Variants in ZFP28 observed in about 807,000 individuals in gnomAD.
ZFP28 encodes zinc finger protein 28 homolog.
ZFP28 carries 31 observed loss-of-function variants against 39.5 expected under a neutral mutation model. That is an observed-to-expected ratio of 0.79 (90% CI 0.59 to 1.06). The LOEUF (loss-of-function observed/expected upper bound fraction) is 1.06, where lower values mean the gene tolerates loss of function less well. ZFP28 is among the 50% of genes least tolerant of loss of function. ZFP28 has a pLI of 0.00. For synonymous variants in ZFP28, 400 were observed against 378.6 expected, an observed-to-expected ratio of 1.06 and a Z score of -0.66; for missense variants, 925 against 1,048.4, an observed-to-expected ratio of 0.88 and a Z score of 1.63.
At position 56,547,790 on chromosome 19, in the gene ZFP28, GTT is replaced by G. The variant is rs758117724; in HGVS notation, c.428-12_428-11del. 9.9e-6 allele frequency: 16 copies of G among 1,613,836 alleles called. No homozygotes were observed. The Admixed American group carries it at 2.5e-4, about 25-fold the overall frequency. On this transcript the variant is annotated splice_polypyrimidine_tract_variant and intron_variant, in intron 3 of 7. Coordinates refer to ENST00000301318, the MANE Select transcript of ZFP28 (RefSeq NM_020828.2). The surrounding 1 kb of genome is among the most constrained non-coding windows in gnomAD (Gnocchi z 4.6). Reference sequence around the variant, plus strand: ...GACAGCCACACAGTATGACCAGGTTGTTTTTTATGTGTCTAGGACTTTGTGTT... The same window carrying G: ...GACAGCCACACAGTATGACCAGGTTGTTTTATGTGTCTAGGACTTTGTGTT...
At chr19:56,550,284 C>G in intron 6 of ZFP28, 103 bp downstream of exon 6, 1 of 1,197,886 alleles carries the variant, frequency 8.3e-7, no homozygotes. Flanking sequence ...TTCTGACATG[C>G]TGGCCTGAAT....
At chr19:56,551,106 G>C (rs1212344233) in intron 7 of ZFP28, 3 of 1,034,664 alleles carry the variant, frequency 2.9e-6, no homozygotes, top group Non-Finnish European at 3.5e-6. Flanking sequence ...TGGATAGCTT[G>C]CATGAAGTAG....
At chr19:56,549,642 A>C (rs1006448806) in intron 5 of ZFP28, among the ~76,000 whole-genome samples, 2 of 151,734 alleles carry the variant, frequency 1.3e-5, no homozygotes, top group Non-Finnish European at 2.9e-5. Flanking sequence ...GCGCCACTGC[A>C]CTCCAGCCTG....
intron 2 of ZFP28, among the ~76,000 whole-genome samples, chr19:56,544,206 A>C (rs1477571225): frequency 6.6e-6 from 1 of 152,234 alleles, no homozygotes; most frequent in Non-Finnish European, 1.5e-5. Flanking sequence ...GTACTTCAAA[A>C]AAAGTGTTTA....
At chr19:56,542,900 G>C (rs2044208425) in intron 2 of ZFP28, among the ~76,000 whole-genome samples, 1 of 152,120 alleles carries the variant, frequency 6.6e-6, no homozygotes, top group Admixed American at 6.5e-5. Flanking sequence ...AAAGGAGCTG[G>C]AATTGTAGGT....
At chr19:56,543,229 C>G (rs1012824715) in intron 2 of ZFP28, among the ~76,000 whole-genome samples, 3 of 150,876 alleles carry the variant, frequency 2.0e-5, no homozygotes, top group African/African-American at 7.3e-5. Context: ...TATGAAATTT[C>G]AACAGAAAGA....
intron 2 of ZFP28, among the ~76,000 whole-genome samples, chr19:56,543,232 CAG>C (rs1173163336): frequency 4.0e-5 from 6 of 150,906 alleles, no homozygotes; most frequent in Admixed American, 6.6e-5. Context: ...GAAATTTCAA[CAG>C]AAAGATTTTT....
rs1347262133 is a variant in ZFP28, at chr19:56,556,536, T to C, written c.*1144T>C. ...TGCTTACTTGTTTAGCTATTGACTA[T>C]GGCTGCTTTAGACAACTGTGACAGA... On this transcript the variant is annotated 3_prime_UTR_variant, in exon 8 of 8. Transcript: ENST00000301318. 6.6e-6 allele frequency: 1 copy of C among 152,226 alleles called. No homozygotes were observed. Among genetic ancestry groups the C allele is most frequent in the Admixed American group, 6.5e-5 (1 of 15,286 alleles). The allele number at this position is 152,226 out of a possible 1,614,324, so 9.4% of individuals were successfully genotyped here.
At chr19:56,548,695 G>A (rs2044265456) in intron 4 of ZFP28, among the ~76,000 whole-genome samples, 1 of 152,110 alleles carries the variant, frequency 6.6e-6, no homozygotes, top group African/African-American at 2.4e-5. Context: ...AAAACATAAT[G>A]TGAACTCTTA....
intron 7 of ZFP28, chr19:56,550,829 A>C (rs568407761): frequency 6.7e-7 from 1 of 1,485,668 alleles, no homozygotes; most frequent in Admixed American, 2.3e-5. Flanking sequence ...TTTCTTGGCC[A>C]CTGGGACGTG....
chr19:56,551,942 TA>T, intron 7 of ZFP28: 1 of 978,928 alleles, frequency 1.0e-6, no homozygotes, highest in Non-Finnish European at 1.2e-6. Context: ...GTTTTAATTT[TA>T]ATTAGGTCTT....
intron 7 of ZFP28, among the ~76,000 whole-genome samples, 189 bp from the exon 8 acceptor site, chr19:56,553,495 C>G (rs1236885488): frequency 1.3e-5 from 2 of 152,184 alleles, no homozygotes; most frequent in Admixed American, 6.5e-5. Context: ...TCCACCTCAG[C>G]CTCCCAAAGC....
At chr19:56,550,977 G>T in intron 7 of ZFP28, 2 of 1,355,830 alleles carry the variant, frequency 1.5e-6, no homozygotes, top group Non-Finnish European at 9.5e-7. Context: ...ACCACAAATT[G>T]AAAGTTATGG....
intron 7 of ZFP28, chr19:56,551,208 T>C (rs1249760963): frequency 5.1e-6 from 5 of 986,324 alleles, no homozygotes; most frequent in African/African-American, 1.7e-5. Flanking sequence ...TGGGTAGAAG[T>C]TGAATTGCAA....
At chr19:56,546,705 T>A (rs1204281428) in intron 2 of ZFP28, 1 of 152,212 alleles carries the variant, frequency 6.6e-6, no homozygotes, top group East Asian at 1.9e-4. Context: ...ATGAATAATA[T>A]TGATGCTTTG....
At position 56,539,154 on chromosome 19, in the gene ZFP28, A is replaced by G. The variant is rs777607096; in HGVS notation, c.136A>G (p.Arg46Gly). ...PATLALPARGRPRSRNGLASK... is the reference protein window; with the variant it reads ...PATLALPARGGPRSRNGLASK... ...CACCTTGGCCCTCCCTGCCCGGGGA[A>G]GGCCGCGCTCAAGGAATGGCCTCGC... The change falls in exon 1 of 8, where the codon AGG becomes GGG. Residue 46 changes from arginine to glycine, a missense_variant. Coordinates refer to ENST00000301318, the MANE Select transcript of ZFP28 (RefSeq NM_020828.2). 1.9e-6 allele frequency: 3 copies of G among 1,598,832 alleles called. No homozygotes were observed. Among genetic ancestry groups the G allele is most frequent in the Non-Finnish European group, 2.6e-6 (3 of 1,176,336 alleles).
chr19:56,551,075 G>A (rs560263637), intron 7 of ZFP28: 13 of 1,117,284 alleles, frequency 1.2e-5, no homozygotes, highest in Non-Finnish European at 1.4e-5. Context: ...TTACTCTAAT[G>A]GAAAGGATAA....
chr19:56,539,837 T>C, intron 2 of ZFP28, 121 bp downstream of exon 2: 1 of 855,794 alleles, frequency 1.2e-6, no homozygotes, highest in Non-Finnish European at 1.8e-6. Context: ...TTTCTATTTC[T>C]TCACGTTCTA....
intron 2 of ZFP28, among the ~76,000 whole-genome samples, chr19:56,540,023 A>C (rs1013547996): frequency 1.3e-5 from 2 of 152,012 alleles, no homozygotes; most frequent in African/African-American, 4.8e-5. Context: ...AACACGGCAG[A>C]CTCTTCTGCT....
Sources: allele counts gnomAD v4.1 joint callset (sites outside exome capture counted in the v4.1 genomes callset), GRCh38; gene constraint gnomAD v4.1.1; non-coding constraint Gnocchi (gnomAD v3.1); transcripts MANE v1.5; gene names NCBI Gene and HGNC (gene_info 2026-07-23, HGNC 2026-07-21).